Variants in ATG7 observed in about 807,000 individuals in gnomAD.
The protein encoded by ATG7 is ubiquitin-like modifier-activating enzyme ATG7.
ATG7 carries 70 observed loss-of-function variants against 82.4 expected under a neutral mutation model. The ratio of observed to expected loss-of-function variants is 0.85; its 90% CI spans 0.70 to 1.04. The LOEUF (loss-of-function observed/expected upper bound fraction) is 1.04, where lower values mean the gene tolerates loss of function less well. ATG7 is among the 50% of genes least tolerant of loss of function. The pLI, the probability that ATG7 is intolerant of heterozygous loss-of-function variation, is 0.00. For synonymous variants in ATG7, 287 were observed against 313.0 expected (o/e 0.92, Z 0.88); for missense variants, 792 against 864.3 (o/e 0.92, Z 1.05).
intron 20 of ATG7, among the ~76,000 whole-genome samples, chr3:11,491,385 C>CA (rs2090339566): frequency 6.6e-6 from 1 of 152,126 alleles, no homozygotes; most frequent in African/African-American, 2.4e-5. Context: ...AAATTTTTTT[C>CA]AAAGTTTTCA....
At chr3:11,492,867 C>T (rs2090495578) in intron 20 of ATG7, among the ~76,000 whole-genome samples, 1 of 152,252 alleles carries the variant, frequency 6.6e-6, no homozygotes, top group Non-Finnish European at 1.5e-5. Flanking sequence ...GACCCCACGG[C>T]AGTGTCCAGG....
chr3:11,292,234 A>ATTTTT (rs1223420748), intron 3 of ATG7, among the ~76,000 whole-genome samples: 55 of 142,552 alleles, frequency 3.9e-4, no homozygotes, highest in Non-Finnish European at 5.1e-4. Flanking sequence ...GTGTGAATTT[A>ATTTTT]TTTTTTTCTT....
intron 20 of ATG7, among the ~76,000 whole-genome samples, chr3:11,498,683 G>C (rs1295473610): frequency 6.6e-6 from 1 of 152,216 alleles, no homozygotes; most frequent in Non-Finnish European, 1.5e-5. Context: ...AGAAGAGGCT[G>C]TGTTAATTCC....
intron 19 of ATG7, among the ~76,000 whole-genome samples, chr3:11,407,262 C>T (rs12490580): frequency 0.015 from 2,297 of 152,286 alleles, 59 homozygotes; most frequent in African/African-American, 0.053. Context: ...CCTTTGACTC[C>T]GTGTCTCACA....
intron 20 of ATG7, among the ~76,000 whole-genome samples, chr3:11,540,809 G>A (rs116678263): frequency 0.016 from 2,444 of 149,952 alleles, 63 homozygotes; most frequent in African/African-American, 0.056. Context: ...TTCTCTTACA[G>A]TTCCTGCTTT....
chr3:11,497,357 CTATATATATATATATATA>C lies in ATG7; in HGVS notation c.2080-57436_2080-57419del, dbSNP rs58838386. On this transcript the variant is annotated intron_variant, in intron 20 of 20. Coordinates refer to ENST00000693202, the MANE Select transcript of ATG7 (RefSeq NM_001349232.2). ...TGAAACCCCGTCTGTACTAAAAATA[CTATATATATATATATATA>C]TATATATATATATATATTTAGCCAG... Among the ~76,000 whole-genome samples the C allele has an allele frequency of 1.7e-3, 100 of 57,320 alleles. 4 individuals carry two copies. Among genetic ancestry groups the C allele is most frequent in the African/African-American group, 4.7e-3 (71 of 14,992 alleles). 37.6% of individuals were successfully genotyped at this position (57,320 alleles called of 152,430 possible).
In ATG7 at chr3:11,344,096, C is replaced by T. The variant is rs557519243; in HGVS notation, c.1125+1817C>T. On this transcript the variant is annotated intron_variant, in intron 13 of 20. Coordinates refer to ENST00000693202, the MANE Select transcript of ATG7 (RefSeq NM_001349232.2). ...GAGATATTTTCTCCCGTTAAACTTTCCAGTTGACTATTACTGGGATGTAGG... is the reference window on the plus strand; with the variant it reads ...GAGATATTTTCTCCCGTTAAACTTTTCAGTTGACTATTACTGGGATGTAGG... 9.6e-4 allele frequency among the ~76,000 whole-genome samples: 146 copies of T among 152,142 alleles called. 1 individual carries two copies. Among genetic ancestry groups the T allele is most frequent in the African/African-American group, 3.4e-3 (140 of 41,492 alleles).
At chr3:11,554,664 G>A in intron 20 of ATG7, 147 bp from the exon 21 acceptor site, 1 of 987,748 alleles carries the variant, frequency 1.0e-6, no homozygotes, top group Non-Finnish European at 1.5e-6. Flanking sequence ...TGGTTTCCTT[G>A]TACAGAAATG....
chr3:11,501,575 T>A (rs1185177839), intron 20 of ATG7, among the ~76,000 whole-genome samples: 1 of 98,448 alleles, frequency 1.0e-5, no homozygotes, highest in East Asian at 3.6e-4. Context: ...GTTATTATGG[T>A]TGTATAGGAA....
intron 20 of ATG7, among the ~76,000 whole-genome samples, chr3:11,543,195 C>T (rs1257681970): frequency 3.3e-5 from 5 of 152,216 alleles, no homozygotes; most frequent in African/African-American, 1.2e-4. Flanking sequence ...GTGTAAGTCA[C>T]GCTTTACATC....
At chr3:11,424,667 T>G (rs2082213990) in intron 19 of ATG7, among the ~76,000 whole-genome samples, 1 of 152,044 alleles carries the variant, frequency 6.6e-6, no homozygotes. Context: ...AATTATTAAG[T>G]AACACATGCA....
Position 11,452,737 on chromosome 3 carries a change from G to T in ATG7, c.2079+25811G>T, listed in dbSNP as rs561938634. Among the ~76,000 whole-genome samples the T allele has an allele frequency of 1.1e-4, 16 of 152,322 alleles. No individual in the cohort carries two copies. In the East Asian group the frequency reaches 2.9e-3, roughly 28 times the overall value. The stretch of plus-strand genomic sequence containing the variant: ...GGCTTGAAGACTGGTTAGGATTGGG[G>T]AACTGAGGGTTAGAGAGTAAAGTAG... On this transcript the variant is annotated intron_variant, in intron 20 of 20. Transcript: ENST00000693202.
At chr3:11,423,966 C>T (rs970607131) in intron 19 of ATG7, among the ~76,000 whole-genome samples, 1 of 152,206 alleles carries the variant, frequency 6.6e-6, no homozygotes, top group Non-Finnish European at 1.5e-5. Context: ...TGCCAGTCAA[C>T]CTCTCTTCTC....
intron 19 of ATG7, among the ~76,000 whole-genome samples, chr3:11,395,581 A>C (rs2079143110): frequency 6.6e-6 from 1 of 152,160 alleles, no homozygotes; most frequent in African/African-American, 2.4e-5. Context: ...AATGGAAATA[A>C]CTTCTTTAGT....
chr3:11,460,177 G>A (rs567275899), intron 20 of ATG7, among the ~76,000 whole-genome samples: 2 of 152,328 alleles, frequency 1.3e-5, no homozygotes, highest in African/African-American at 4.8e-5. Context: ...TTCTTTTGGC[G>A]TTGTTTTAAG....
chr3:11,462,757 A>C (rs1027191076), intron 20 of ATG7, among the ~76,000 whole-genome samples: 21 of 152,164 alleles, frequency 1.4e-4, no homozygotes, highest in Non-Finnish European at 2.9e-5. Flanking sequence ...CAGTCTTCCC[A>C]GCTAGAAAGG....
chr3:11,429,143 G>A (rs2082626596), intron 20 of ATG7, among the ~76,000 whole-genome samples: 1 of 152,158 alleles, frequency 6.6e-6, no homozygotes. Context: ...CGGCTTGCAG[G>A]TATGTATTTT....
chr3:11,333,197 A>G (rs1951896754), intron 11 of ATG7, 104 bp downstream of exon 11: 1 of 1,386,466 alleles, frequency 7.2e-7, no homozygotes, highest in East Asian at 2.7e-5. Context: ...AAAGGAAGAG[A>G]AAAGTACAAC....
intron 3 of ATG7, among the ~76,000 whole-genome samples, chr3:11,289,021 G>T (rs1944535201): frequency 6.6e-6 from 1 of 152,138 alleles, no homozygotes; most frequent in Non-Finnish European, 1.5e-5. Flanking sequence ...ATCCCATCTT[G>T]TGTAACTCAG....
Sources: gnomAD v4.1 joint callset for allele counts (sites outside exome capture counted in the v4.1 genomes callset) on GRCh38, gnomAD v4.1.1 for gene constraint, MANE v1.5 for transcripts, NCBI Gene and HGNC (gene_info 2026-07-23, HGNC 2026-07-21) for gene names.